Variants in VWA3B observed in about 807,000 individuals in gnomAD.
VWA3B encodes von Willebrand factor A domain containing 3B, also known as von Willebrand factor A domain-containing protein 3B.
Under a neutral mutation model 158.3 loss-of-function variants are expected in VWA3B, and 138 were observed. The ratio of observed to expected loss-of-function variants is 0.87; its 90% CI spans 0.76 to 1.00. VWA3B has a LOEUF of 1.00. Ranked by LOEUF, VWA3B falls within the 50% of genes least tolerant of loss-of-function variation. The probability of loss-of-function intolerance (pLI) is 0.00; values close to 1 mark genes in which losing one functional copy is unlikely to be tolerated. For missense variants in VWA3B, 1,555 were observed against 1,565.1 expected (o/e 0.99, Z 0.11); for synonymous variants, 596 against 587.3 (o/e 1.01, Z -0.21).
intron 21 of VWA3B, among the ~76,000 whole-genome samples, chr2:98,267,502 A>G: frequency 6.6e-6 from 1 of 152,158 alleles, no homozygotes; most frequent in East Asian, 1.9e-4. Flanking sequence ...GAGAACAAAG[A>G]CACAACATAC....
chr2:98,292,373 T>C (rs115335151), intron 23 of VWA3B, among the ~76,000 whole-genome samples: 2,713 of 152,216 alleles, frequency 0.018, 77 homozygotes, highest in African/African-American at 0.061. Flanking sequence ...TTCAGCAGGA[T>C]TTTTGGTTTC....
In VWA3B at chr2:98,222,642, G is replaced by A. The variant is rs570364728; in HGVS notation, c.2019+4614G>A. 3.9e-5 allele frequency among the ~76,000 whole-genome samples: 6 copies of A among 152,302 alleles called. No individual in the cohort carries two copies. In the South Asian group the frequency reaches 1.0e-3, roughly 26 times the overall value. ...CACAGGAACACCTGGAGGACAGCAGGGGAGGTACCAAGAGACACCTGGAAG... is the reference window on the plus strand; with the variant it reads ...CACAGGAACACCTGGAGGACAGCAGAGGAGGTACCAAGAGACACCTGGAAG... On this transcript the variant is annotated intron_variant, in intron 14 of 27. Coordinates refer to ENST00000477737, the MANE Select transcript of VWA3B (RefSeq NM_144992.5).
chr2:98,217,536 G>A (rs989802383), intron 13 of VWA3B, among the ~76,000 whole-genome samples: 1 of 152,180 alleles, frequency 6.6e-6, no homozygotes, highest in African/African-American at 2.4e-5. Context: ...TTAAATGCAT[G>A]GACTGTAAGT....
At chr2:98,248,326 T>C (rs1686531608) in intron 19 of VWA3B, among the ~76,000 whole-genome samples, 1 of 152,164 alleles carries the variant, frequency 6.6e-6, no homozygotes, top group Admixed American at 6.5e-5. Context: ...TTTTTTGGTG[T>C]ATACTTGGGA....
At chr2:98,106,276 A>T (rs1301883305) in intron 2 of VWA3B, among the ~76,000 whole-genome samples, 3 of 152,006 alleles carry the variant, frequency 2.0e-5, no homozygotes, top group African/African-American at 7.3e-5. Flanking sequence ...AGTCTTGATT[A>T]CTGTAACTAT....
chr2:98,270,623 T>C, intron 21 of VWA3B, 59 bp from the exon 22 acceptor site: 1 of 1,524,700 alleles, frequency 6.6e-7, no homozygotes, highest in East Asian at 2.3e-5. Flanking sequence ...TTTATTATAG[T>C]CATTTTCTTT....
At chr2:98,245,089 C>T (rs1011773412) in intron 19 of VWA3B, among the ~76,000 whole-genome samples, 1 of 152,070 alleles carries the variant, frequency 6.6e-6, no homozygotes, top group African/African-American at 2.4e-5. Context: ...AGGTTAACCT[C>T]AAGAGAATTG....
At chr2:98,214,189 T>G (rs546115813) in intron 13 of VWA3B, among the ~76,000 whole-genome samples, 43 of 149,648 alleles carry the variant, frequency 2.9e-4, no homozygotes, top group African/African-American at 9.8e-4. Flanking sequence ...AGTCCCTGTC[T>G]CTAAGAAAAA....
intron 14 of VWA3B, among the ~76,000 whole-genome samples, chr2:98,220,885 C>G (rs1421996305): frequency 6.6e-6 from 1 of 152,120 alleles, no homozygotes; most frequent in East Asian, 1.9e-4. Context: ...AAACCACACA[C>G]CGCATGTTCT....
At chr2:98,236,321 G>A in intron 17 of VWA3B, 69 bp from the exon 18 acceptor site, 1 of 1,521,196 alleles carries the variant, frequency 6.6e-7, no homozygotes, top group Non-Finnish European at 9.1e-7. Flanking sequence ...AGACAAGCGT[G>A]ATCCCTTTGC....
intron 7 of VWA3B, among the ~76,000 whole-genome samples, chr2:98,150,622 T>C (rs1166110344): frequency 6.6e-6 from 1 of 152,210 alleles, no homozygotes; most frequent in South Asian, 2.1e-4. Context: ...AAAGACCCTT[T>C]TGCCCAATTT....
intron 25 of VWA3B, among the ~76,000 whole-genome samples, chr2:98,303,438 GT>G (rs1050659816): frequency 2.0e-5 from 3 of 151,960 alleles, no homozygotes; most frequent in African/African-American, 7.3e-5. Context: ...GTGTGTGTGT[GT>G]GTGTGTGTGT....
chr2:98,206,504 T>C, intron 12 of VWA3B: 1 of 473,474 alleles, frequency 2.1e-6, no homozygotes, highest in Non-Finnish European at 4.1e-6. Context: ...AGAAGGCTTG[T>C]TTAGAGGCCA....
chr2:98,107,772 C>T (rs1466162175), intron 2 of VWA3B, among the ~76,000 whole-genome samples: 2 of 151,964 alleles, frequency 1.3e-5, no homozygotes, highest in African/African-American at 4.8e-5. Context: ...CTTTGTCAGT[C>T]TTACTAGTGG....
chr2:98,244,703 A>G (rs1017030989), intron 19 of VWA3B, among the ~76,000 whole-genome samples: 4 of 152,214 alleles, frequency 2.6e-5, no homozygotes, highest in Non-Finnish European at 5.9e-5. Flanking sequence ...AAAGGATTAT[A>G]AAGTTTTATG....
At chr2:98,224,527 A>G (rs1386388968) in intron 14 of VWA3B, among the ~76,000 whole-genome samples, 1 of 152,206 alleles carries the variant, frequency 6.6e-6, no homozygotes, top group Non-Finnish European at 1.5e-5. Context: ...AAGATTCATT[A>G]CAAAAGCAAT....
Position 98,217,890 on chromosome 2 carries a change from TCCTATTTATA to T in VWA3B, c.1884_1893del (p.Ile629SerfsTer14). ...ACCAGGTCAAACGTTTTCAGGAAAT[TCCTATTTATA>T]CCATCTCCTTCAATTACAATGATGA... On this transcript the variant is annotated frameshift_variant, in exon 14 of 28. Coordinates refer to ENST00000477737, the MANE Select transcript of VWA3B (RefSeq NM_144992.5). LOFTEE classifies it high-confidence loss of function. The T allele has an allele frequency of 6.2e-7, 1 of 1,611,830 alleles. No individual in the cohort carries two copies. The highest frequency in any genetic ancestry group is 1.1e-5 in the South Asian group (1 of 90,794).
intron 22 of VWA3B, among the ~76,000 whole-genome samples, chr2:98,277,985 C>T (rs541288178): frequency 3.3e-5 from 5 of 151,706 alleles, no homozygotes; most frequent in Admixed American, 6.6e-5. Flanking sequence ...AGTCCATTAA[C>T]GGGAGGTGTG....
intron 2 of VWA3B, among the ~76,000 whole-genome samples, chr2:98,105,900 A>T (rs1044555182): frequency 1.3e-5 from 2 of 151,134 alleles, no homozygotes; most frequent in East Asian, 1.9e-4. Flanking sequence ...TTTTGTTTTT[A>T]TTTATTTATT....
Sources: allele counts gnomAD v4.1 joint callset (sites outside exome capture counted in the v4.1 genomes callset), GRCh38; gene constraint gnomAD v4.1.1; transcripts MANE v1.5; gene names NCBI Gene and HGNC (gene_info 2026-07-23, HGNC 2026-07-21).